The following TTBK2 variants were observed in gnomAD, a reference collection of about 807,000 sequenced individuals.
TTBK2 encodes the protein tau tubulin kinase 2.
Under a neutral mutation model 110.8 loss-of-function variants are expected in TTBK2, and 28 were observed. That is an observed-to-expected ratio of 0.25 (90% confidence interval 0.19 to 0.35). The LOEUF is 0.35. Ranked by LOEUF, TTBK2 falls within the 10% of genes least tolerant of loss-of-function variation. The pLI, the probability that TTBK2 is intolerant of heterozygous loss-of-function variation, is 1.00. For synonymous variants in TTBK2, 532 were observed against 527.3 expected (o/e 1.01, Z -0.12); for missense variants, 1,369 against 1,500.3 (o/e 0.91, Z 1.45).
intron 6 of TTBK2, among the ~76,000 whole-genome samples, chr15:42,817,815 C>T (rs1258397448): frequency 6.6e-6 from 1 of 152,194 alleles, no homozygotes; most frequent in Non-Finnish European, 1.5e-5. Context: ...TAGCTCAAAA[C>T]AGTGCACACG....
intron 4 of TTBK2, among the ~76,000 whole-genome samples, chr15:42,838,149 A>G (rs1298790077): frequency 1.3e-5 from 2 of 152,138 alleles, no homozygotes; most frequent in African/African-American, 4.8e-5. Flanking sequence ...CGGAGGTTGC[A>G]GTGAGCCGAG....
At chr15:42,799,430 T>TTTTG (rs993085937) in intron 9 of TTBK2, among the ~76,000 whole-genome samples, 1 of 151,648 alleles carries the variant, frequency 6.6e-6, no homozygotes, top group Non-Finnish European at 1.5e-5. Flanking sequence ...CCTGTATTAC[T>TTTTG]TTTGTTTGTT....
In TTBK2 at chr15:42,775,376, A is replaced by C. The variant is rs1464583776; in HGVS notation, c.1757T>G (p.Leu586Arg). The change falls in exon 13 of 15, where the codon CTT becomes CGT. Residue 586 changes from leucine to arginine, a missense_variant. Physicochemically the swap from Leu to Arg is moderately radical, Grantham distance 102. This residue lies in a region of TTBK2 where 1,097 missense variants were observed against 1,114.7 expected (regional missense o/e 0.98). Transcript: ENST00000267890. ...TTGAGGTGATGCCTCCAGGACTTGA[A>C]GTACTTCAGGCTCCTCATCAGAAGG... ...GSPSDEEPEV[L>R]QVLEASPQDE... 1 of 1,614,254 alleles carries C rather than the reference A, an allele frequency of 6.2e-7. No homozygotes were observed. The highest frequency in any genetic ancestry group is 8.5e-7 in the Non-Finnish European group (1 of 1,180,052).
chr15:42,914,710 A>G (rs1236499893), intron 1 of TTBK2, among the ~76,000 whole-genome samples: 2 of 152,234 alleles, frequency 1.3e-5, no homozygotes, highest in Non-Finnish European at 2.9e-5. Context: ...TTAAATTTAA[A>G]AACATTTATT....
Position 42,829,128 on chromosome 15 carries a change from C to T in TTBK2, c.432+810G>A, listed in dbSNP as rs772736897. On this transcript the variant is annotated intron_variant, in intron 5 of 14. Transcript: ENST00000267890. ...ATTTTAGAAGTCATGTAACAACTGACGGTTATACTTTTCAACTGTACCAAC... is the reference window on the plus strand; with the variant it reads ...ATTTTAGAAGTCATGTAACAACTGATGGTTATACTTTTCAACTGTACCAAC... 9.2e-5 allele frequency among the ~76,000 whole-genome samples: 14 copies of T among 152,238 alleles called. No individual in the cohort carries two copies. The South Asian group carries it at 2.9e-3, about 32-fold the overall frequency.
intron 1 of TTBK2, among the ~76,000 whole-genome samples, chr15:42,894,707 T>C (rs1204351459): frequency 6.6e-6 from 1 of 152,140 alleles, no homozygotes; most frequent in Non-Finnish European, 1.5e-5. Context: ...TAAGCCAAGA[T>C]ACCATCACTG....
At position 42,740,337 on chromosome 15, in the gene TTBK2, A is replaced by G. The variant is rs1363380266; in HGVS notation, c.*5458T>C. ...CAAAGTCTAAGGAAATATCCTAATC[A>G]TTACTGTGTAATGTTACTTTTTTGC... On this transcript the variant is annotated 3_prime_UTR_variant, in exon 15 of 15. Transcript: ENST00000267890. 1 of 152,214 alleles carries G rather than the reference A, an allele frequency of 6.6e-6. No individual in the cohort carries two copies. The highest frequency in any genetic ancestry group is 1.5e-5 in the Non-Finnish European group (1 of 68,048). The allele number at this position is 152,214 out of a possible 1,614,324, so 9.4% of individuals were successfully genotyped here. A position where few individuals can be genotyped will look rare whatever the true frequency, so the allele number is the denominator to read the frequency against.
At chr15:42,764,992 G>T (rs1329789574) in intron 13 of TTBK2, among the ~76,000 whole-genome samples, 1 of 152,212 alleles carries the variant, frequency 6.6e-6, no homozygotes, top group Non-Finnish European at 1.5e-5. Flanking sequence ...GGCAAACAGG[G>T]TCTGGAGTGG....
chr15:42,819,094 GT>G lies in TTBK2; in HGVS notation c.538-1998del, dbSNP rs149916606. Among the ~76,000 whole-genome samples, 208 of 147,342 alleles carry G rather than the reference GT, an allele frequency of 1.4e-3. 1 individual carries two copies. The highest frequency in any genetic ancestry group is 4.7e-3 in the African/African-American group (191 of 40,396). ...CACTTTTCATTAGTATAATTTTTGG[GT>G]TTTTTTTTTCTTAAGTAACCTCAAA... On this transcript the variant is annotated intron_variant, in intron 6 of 14. Transcript: ENST00000267890.
chr15:42,760,397 A>C (rs530258849), intron 13 of TTBK2, among the ~76,000 whole-genome samples: 102 of 150,768 alleles, frequency 6.8e-4, no homozygotes, highest in South Asian at 4.6e-3. Flanking sequence ...AAAAAAAAAA[A>C]AAAAAACAAA....
chr15:42,916,055 A>G (rs2031071725), intron 1 of TTBK2, among the ~76,000 whole-genome samples: 1 of 152,228 alleles, frequency 6.6e-6, no homozygotes, highest in Non-Finnish European at 1.5e-5. Context: ...TTGATCCTGT[A>G]TGACTAAATG....
At position 42,745,741 on chromosome 15, in the gene TTBK2, G is replaced by C; in HGVS notation, c.*54C>G. On this transcript the variant is annotated 3_prime_UTR_variant, in exon 15 of 15. Transcript: ENST00000267890. The stretch of plus-strand genomic sequence containing the variant: ...ACATAGAAAGTACAGGGACACACAT[G>C]CATCAGGTTTAGGAGGAAGATCTCA... The C allele has an allele frequency of 6.3e-7, 1 of 1,588,678 alleles. No homozygotes were observed. The highest frequency in any genetic ancestry group is 8.6e-7 in the Non-Finnish European group (1 of 1,158,174).
At chr15:42,786,133 GA>G (rs11299124) in intron 10 of TTBK2, among the ~76,000 whole-genome samples, 119,180 of 150,244 alleles carry the variant, frequency 0.79, 47,036 homozygotes, top group Middle Eastern at 0.89. Context: ...AAAAAAGAAA[GA>G]AAAAAAAAAA....
At chr15:42,775,753 T>G in intron 12 of TTBK2, 30 bp from the exon 13 acceptor site, 1 of 1,557,420 alleles carries the variant, frequency 6.4e-7, no homozygotes, top group Non-Finnish European at 8.8e-7. Flanking sequence ...GTTACTCAAC[T>G]GTCCTAAGGA....
intron 1 of TTBK2, among the ~76,000 whole-genome samples, chr15:42,904,712 G>A (rs1389525053): frequency 6.6e-6 from 1 of 152,094 alleles, no homozygotes; most frequent in Non-Finnish European, 1.5e-5. Context: ...AAATTAATAA[G>A]TAAACACTGA....
chr15:42,783,642 A>T lies in TTBK2; in HGVS notation c.981-7T>A. On this transcript the variant is annotated splice_region_variant and splice_polypyrimidine_tract_variant and intron_variant, in intron 10 of 14. Coordinates refer to ENST00000267890, the MANE Select transcript of TTBK2 (RefSeq NM_173500.4). ...GGGAGTAGCATTGGCAATTCTACAT[A>T]TGAAGGGAGAAAAAAAAGGCAAGAA... 1 of 1,607,994 alleles carries T rather than the reference A, an allele frequency of 6.2e-7. No homozygotes were observed. Among genetic ancestry groups the T allele is most frequent in the Non-Finnish European group, 8.5e-7 (1 of 1,174,600 alleles).
chr15:42,756,868 AAAAAACAAAAAC>A (rs1007974874), intron 13 of TTBK2, among the ~76,000 whole-genome samples: 1 of 151,818 alleles, frequency 6.6e-6, no homozygotes, highest in East Asian at 1.9e-4. Flanking sequence ...CCCACCTCAA[AAAAAACAAAAAC>A]AAAAACAAAA....
intron 1 of TTBK2, among the ~76,000 whole-genome samples, chr15:42,898,755 A>G (rs937191714): frequency 3.9e-5 from 6 of 152,232 alleles, no homozygotes; most frequent in African/African-American, 1.4e-4. Context: ...GCTGGTAGAT[A>G]ATGACTACAA....
intron 11 of TTBK2, among the ~76,000 whole-genome samples, chr15:42,781,498 A>C (rs1595903075): frequency 6.6e-6 from 1 of 152,236 alleles, no homozygotes; most frequent in South Asian, 2.1e-4. Flanking sequence ...TATCTTTCCT[A>C]ATGTAAGTAT....
Sources: allele counts gnomAD v4.1 joint callset (sites outside exome capture counted in the v4.1 genomes callset), GRCh38; gene constraint gnomAD v4.1.1; regional missense constraint gnomAD v4.1.1; transcripts MANE v1.5; gene names NCBI Gene and HGNC (gene_info 2026-07-23, HGNC 2026-07-21).